The following CNTN5 variants were observed in gnomAD, a reference collection of about 807,000 sequenced individuals.
CNTN5 encodes contactin 5.
Under a neutral mutation model 129.1 loss-of-function variants are expected in CNTN5, and 77 were observed. The ratio of observed to expected loss-of-function variants is 0.60; its 90% CI spans 0.50 to 0.72. The LOEUF is 0.72. Ranked by LOEUF, CNTN5 falls within the 30% of genes least tolerant of loss-of-function variation. The pLI is 0.00. For synonymous variants in CNTN5, 509 were observed against 465.6 expected (o/e 1.09, Z -1.20); for missense variants, 1,478 against 1,328.8 (o/e 1.11, Z -1.75).
chr11:99,493,295 A>G (rs10893411), intron 2 of CNTN5, among the ~76,000 whole-genome samples: 40,421 of 152,224 alleles, frequency 0.27, 5,695 homozygotes, highest in East Asian at 0.43. Context: ...GTTTCAAAAG[A>G]TGAAGTCAGC....
At chr11:99,784,309 C>A (rs976164182) in intron 3 of CNTN5, among the ~76,000 whole-genome samples, 3 of 151,980 alleles carry the variant, frequency 2.0e-5, no homozygotes, top group African/African-American at 7.2e-5. Context: ...AGCCCCCCAC[C>A]CCCACATAGG....
At chr11:100,059,021 G>T (rs1382874111) in intron 9 of CNTN5, among the ~76,000 whole-genome samples, 3 of 152,138 alleles carry the variant, frequency 2.0e-5, no homozygotes, top group Non-Finnish European at 4.4e-5. Context: ...AACTGAAAAA[G>T]TCGACTGGGT....
intron 8 of CNTN5, among the ~76,000 whole-genome samples, chr11:99,980,641 C>A (rs907679429): frequency 6.6e-6 from 1 of 152,028 alleles, no homozygotes; most frequent in Non-Finnish European, 1.5e-5. Flanking sequence ...AATAGCAGTT[C>A]CCAGTTGCTG....
chr11:100,082,576 G>A (rs1944406148), intron 13 of CNTN5, among the ~76,000 whole-genome samples: 1 of 152,078 alleles, frequency 6.6e-6, no homozygotes, highest in Non-Finnish European at 1.5e-5. Flanking sequence ...ATACGTGTGA[G>A]CCACTCTGCC....
intron 1 of CNTN5, among the ~76,000 whole-genome samples, chr11:99,187,886 A>G (rs1296361967): frequency 2.6e-5 from 3 of 115,250 alleles, no homozygotes; most frequent in African/African-American, 8.6e-5. Context: ...TATACATTTA[A>G]GAAAGTCTTA....
At chr11:99,157,143 G>A (rs1051844517) in intron 1 of CNTN5, among the ~76,000 whole-genome samples, 28 of 152,130 alleles carry the variant, frequency 1.8e-4, no homozygotes, top group African/African-American at 6.7e-4. Flanking sequence ...TTGGGTTACA[G>A]TATATATAAA....
chr11:99,794,238 AGC>A lies in CNTN5; in HGVS notation c.56-25305_56-25304del, dbSNP rs201502861. Among the ~76,000 whole-genome samples the A allele has an allele frequency of 0.011, 1,620 of 150,680 alleles. 61 individuals are homozygous for A. In the East Asian group the frequency reaches 0.13, roughly 12 times the overall value. On this transcript the variant is annotated intron_variant, in intron 3 of 24. Coordinates refer to ENST00000524871, the MANE Select transcript of CNTN5 (RefSeq NM_014361.4). ...AGCCTTTTTTGTCTGAAATTAGAATAGCAATCATTGCTTTTTTTTCTGTTTTC... is the reference window on the plus strand; with the variant it reads ...AGCCTTTTTTGTCTGAAATTAGAATAAATCATTGCTTTTTTTTCTGTTTTC...
chr11:100,205,004 C>A (rs115426662), intron 15 of CNTN5, among the ~76,000 whole-genome samples: 2,871 of 151,876 alleles, frequency 0.019, 99 homozygotes, highest in African/African-American at 0.066. Context: ...TTTTTGAAAG[C>A]CTTCTTAGAT....
chr11:100,293,015 T>C (rs1951024774), intron 18 of CNTN5, among the ~76,000 whole-genome samples: 1 of 151,944 alleles, frequency 6.6e-6, no homozygotes, highest in African/African-American at 2.4e-5. Flanking sequence ...TCAAAAATTA[T>C]GGAAGAGACA....
intron 8 of CNTN5, among the ~76,000 whole-genome samples, chr11:99,994,219 A>G (rs1939304265): frequency 6.6e-6 from 1 of 152,158 alleles, no homozygotes; most frequent in Admixed American, 6.5e-5. Flanking sequence ...GAGAAGAGAG[A>G]CTATATGGAT....
intron 3 of CNTN5, among the ~76,000 whole-genome samples, chr11:99,609,907 T>C (rs1950544416): frequency 6.6e-6 from 1 of 152,124 alleles, no homozygotes; most frequent in Admixed American, 6.6e-5. Context: ...ACAGAGGTAA[T>C]AGCAGTTAAT....
chr11:99,493,666 A>G (rs1470622199), intron 2 of CNTN5, among the ~76,000 whole-genome samples: 1 of 151,154 alleles, frequency 6.6e-6, no homozygotes, highest in Non-Finnish European at 1.5e-5. Context: ...AAATGTTAAG[A>G]AGAAAAGGCA....
chr11:100,156,125 A>G (rs1346058698), intron 13 of CNTN5, among the ~76,000 whole-genome samples: 2 of 152,138 alleles, frequency 1.3e-5, no homozygotes. Flanking sequence ...ATTCAGTATG[A>G]TACTGGCTAT....
At chr11:99,250,370 T>C (rs1465206233) in intron 1 of CNTN5, among the ~76,000 whole-genome samples, 1 of 151,970 alleles carries the variant, frequency 6.6e-6, no homozygotes, top group Non-Finnish European at 1.5e-5. Flanking sequence ...TAATGCCCAA[T>C]GTAATACCAG....
chr11:100,203,507 A>T (rs1948832881), intron 15 of CNTN5, among the ~76,000 whole-genome samples: 1 of 152,010 alleles, frequency 6.6e-6, no homozygotes, highest in African/African-American at 2.4e-5. Flanking sequence ...GCATTGTTTT[A>T]TGCAGTTTTG....
At chr11:99,108,308 G>T (rs1477310752) in intron 1 of CNTN5, among the ~76,000 whole-genome samples, 2 of 152,170 alleles carry the variant, frequency 1.3e-5, no homozygotes, top group Non-Finnish European at 2.9e-5. Flanking sequence ...CTAGAAAGCT[G>T]CCCCTAAGAT....
At chr11:99,089,481 C>T (rs988215393) in intron 1 of CNTN5, among the ~76,000 whole-genome samples, 9 of 152,120 alleles carry the variant, frequency 5.9e-5, no homozygotes, top group East Asian at 3.9e-4. Flanking sequence ...AGTGTTTTCA[C>T]GACTTGCCTA....
At chr11:99,264,763 TGTATTA>T (rs951078080) in intron 1 of CNTN5, among the ~76,000 whole-genome samples, 8 of 152,122 alleles carry the variant, frequency 5.3e-5, no homozygotes, top group African/African-American at 1.9e-4. Flanking sequence ...TATTTTTGTG[TGTATTA>T]GTATAAGATA....
At chr11:99,747,259 G>T (rs1452420631) in intron 3 of CNTN5, among the ~76,000 whole-genome samples, 1 of 151,982 alleles carries the variant, frequency 6.6e-6, no homozygotes, top group Non-Finnish European at 1.5e-5. Flanking sequence ...TTTGTATGTT[G>T]ATTTTGTATC....
Sources: gnomAD v4.1 joint callset for allele counts (sites outside exome capture counted in the v4.1 genomes callset) on GRCh38, gnomAD v4.1.1 for gene constraint, MANE v1.5 for transcripts, NCBI Gene and HGNC (gene_info 2026-07-23, HGNC 2026-07-21) for gene names.